The following CDH13 variants were observed in gnomAD, a reference collection of about 807,000 sequenced individuals.
CDH13 encodes cadherin 13, also known as cadherin-13.
In CDH13, 24 loss-of-function variants were observed where a neutral mutation model predicts 63.8. The observed-to-expected ratio is 0.38, with a 90% CI of 0.27 to 0.53. CDH13 has a LOEUF of 0.53. CDH13 is among the 20% of genes least tolerant of loss of function. The pLI, the probability that CDH13 is intolerant of heterozygous loss-of-function variation, is 0.85. For missense variants in CDH13, 1,049 were observed against 903.1 expected (o/e 1.16, Z -2.07); for synonymous variants, 503 against 355.3 (o/e 1.42, Z -4.67).
intron 2 of CDH13, among the ~76,000 whole-genome samples, chr16:83,005,491 A>C (rs1192973037): frequency 6.6e-6 from 1 of 152,168 alleles, no homozygotes; most frequent in African/African-American, 2.4e-5. Flanking sequence ...ACTCCCACCA[A>C]CAACCTCAGG....
intron 1 of CDH13, among the ~76,000 whole-genome samples, chr16:82,678,388 G>A (rs375984061): frequency 6.9e-6 from 1 of 144,494 alleles, no homozygotes; most frequent in Non-Finnish European, 1.5e-5. Flanking sequence ...AGTACTTTTT[G>A]CAGGGTATAA....
intron 7 of CDH13, among the ~76,000 whole-genome samples, chr16:83,504,939 T>C (rs2074362464): frequency 1.3e-5 from 2 of 152,190 alleles, no homozygotes; most frequent in African/African-American, 2.4e-5. Flanking sequence ...AAATAAAGCA[T>C]CAAAATTTCC....
intron 7 of CDH13, among the ~76,000 whole-genome samples, chr16:83,545,449 C>T (rs925530431): frequency 6.6e-6 from 1 of 152,194 alleles, no homozygotes; most frequent in Non-Finnish European, 1.5e-5. Context: ...CAGATCCAGC[C>T]ACATCTTTCT....
chr16:83,730,849 G>C (rs1422851021), intron 10 of CDH13, among the ~76,000 whole-genome samples: 1 of 151,960 alleles, frequency 6.6e-6, no homozygotes, highest in African/African-American at 2.4e-5. Context: ...AATGTCTATT[G>C]CTCCCATCTT....
chr16:83,019,882 A>G (rs1285930105), intron 2 of CDH13, among the ~76,000 whole-genome samples: 1 of 151,650 alleles, frequency 6.6e-6, no homozygotes, highest in Non-Finnish European at 1.5e-5. Context: ...TATTAAATAT[A>G]TAAACCAGTA....
chr16:83,444,358 A>G (rs2072601059), intron 6 of CDH13, among the ~76,000 whole-genome samples: 1 of 152,216 alleles, frequency 6.6e-6, no homozygotes. Flanking sequence ...CATGAAGTAC[A>G]TGCTGTGATT....
chr16:83,050,307 C>A (rs1330455541), intron 3 of CDH13, among the ~76,000 whole-genome samples: 2 of 152,048 alleles, frequency 1.3e-5, no homozygotes, highest in South Asian at 2.1e-4. Flanking sequence ...CCAACTGTCC[C>A]CTAGGAGTGG....
chr16:82,856,693 C>CAAAAAAAAAAAAAAAAA (rs56106728), intron 1 of CDH13, among the ~76,000 whole-genome samples: 1 of 49,546 alleles, frequency 2.0e-5, no homozygotes, highest in Non-Finnish European at 3.3e-5. Flanking sequence ...GACTCGGTCT[C>CAAAAAAAAAAAAAAAAA]AAAAAAAAAA....
intron 5 of CDH13, among the ~76,000 whole-genome samples, chr16:83,292,454 C>A (rs11644424): frequency 0.42 from 63,267 of 151,936 alleles, 14,225 homozygotes; most frequent in South Asian, 0.61. Context: ...CCATTACTCC[C>A]CCTTTGATTG....
chr16:83,777,099 C>T (rs1015125096), intron 11 of CDH13, among the ~76,000 whole-genome samples: 3 of 152,226 alleles, frequency 2.0e-5, no homozygotes, highest in Non-Finnish European at 2.9e-5. Flanking sequence ...CTTTCCTGCT[C>T]GAGCTGCACA....
At chr16:83,364,049 C>T (rs1050363616) in intron 6 of CDH13, among the ~76,000 whole-genome samples, 1 of 152,060 alleles carries the variant, frequency 6.6e-6, no homozygotes, top group African/African-American at 2.4e-5. Context: ...TCTGAAAAGC[C>T]GATACTCAAA....
At chr16:83,646,308 T>C (rs1911787996) in intron 8 of CDH13, among the ~76,000 whole-genome samples, 1 of 152,212 alleles carries the variant, frequency 6.6e-6, no homozygotes, top group Admixed American at 6.5e-5. Flanking sequence ...ACCCGGGTCA[T>C]GACATGAAGG....
intron 8 of CDH13, among the ~76,000 whole-genome samples, chr16:83,649,194 G>A (rs1792734509): frequency 6.6e-6 from 1 of 152,232 alleles, no homozygotes; most frequent in Non-Finnish European, 1.5e-5. Flanking sequence ...CCTGCTCCAT[G>A]TGGGTTCTAT....
intron 1 of CDH13, among the ~76,000 whole-genome samples, chr16:82,760,311 C>T (rs1186197473): frequency 2.0e-5 from 3 of 152,058 alleles, no homozygotes; most frequent in Non-Finnish European, 4.4e-5. Flanking sequence ...GAGATGAATT[C>T]TTATCTTTTT....
chr16:83,668,050 C>T (rs1027396459), intron 8 of CDH13, among the ~76,000 whole-genome samples: 2 of 152,140 alleles, frequency 1.3e-5, no homozygotes, highest in African/African-American at 4.8e-5. Flanking sequence ...CCAGCCATGA[C>T]GCAGCTCTGC....
Position 82,930,039 on chromosome 16 carries a change from C to CTTTT in CDH13, c.157+71586_157+71589dup, listed in dbSNP as rs71146098. 6.8e-3 allele frequency among the ~76,000 whole-genome samples: 644 copies of CTTTT among 94,684 alleles called. 2 individuals are homozygous for CTTTT. Among genetic ancestry groups the CTTTT allele is most frequent in the Non-Finnish European group, 9.8e-3 (475 of 48,488 alleles). The allele number at this position is 94,684 out of a possible 152,430, so 62.1% of individuals were successfully genotyped here. A position where few individuals can be genotyped will look rare whatever the true frequency, so the allele number is the denominator to read the frequency against. On this transcript the variant is annotated intron_variant, in intron 2 of 13. Coordinates refer to ENST00000567109, the MANE Select transcript of CDH13 (RefSeq NM_001257.5). ...TCTAATAAAATGCATTAGTTTGTCT[C>CTTTT]TTTTTTTTTTTTTTTTTTTTTTTGA...
intron 8 of CDH13, among the ~76,000 whole-genome samples, chr16:83,606,194 C>T (rs1012983606): frequency 6.6e-6 from 1 of 152,176 alleles, no homozygotes; most frequent in Admixed American, 6.5e-5. Flanking sequence ...AGAAAGCTCT[C>T]TAAGGAGATG....
At chr16:83,257,743 C>T (rs1390566660) in intron 5 of CDH13, among the ~76,000 whole-genome samples, 1 of 152,132 alleles carries the variant, frequency 6.6e-6, no homozygotes, top group South Asian at 2.1e-4. Context: ...GTGCATGTGT[C>T]TTTATAATAG....
At chr16:83,039,684 G>A (rs992247880) in intron 3 of CDH13, among the ~76,000 whole-genome samples, 2 of 152,126 alleles carry the variant, frequency 1.3e-5, no homozygotes, top group African/African-American at 4.8e-5. Context: ...AGAGTATTCA[G>A]TGGATGCCTT....
Sources: allele counts gnomAD v4.1 joint callset (sites outside exome capture counted in the v4.1 genomes callset), GRCh38; gene constraint gnomAD v4.1.1; transcripts MANE v1.5; gene names NCBI Gene and HGNC (gene_info 2026-07-23, HGNC 2026-07-21).